Variants in LRRC4C observed in about 807,000 individuals in gnomAD.
LRRC4C encodes the protein leucine rich repeat containing 4C, also known as leucine-rich repeat-containing protein 4C.
A neutral mutation model predicts 33.6 loss-of-function variants in LRRC4C; 5 were observed. That is an observed-to-expected ratio of 0.15 (90% CI 0.08 to 0.31). The LOEUF (loss-of-function observed/expected upper bound fraction) is 0.31. LRRC4C is among the 10% of genes least tolerant of loss of function. The pLI, the probability that LRRC4C is intolerant of heterozygous loss-of-function variation, is 1.00. For missense variants in LRRC4C, 560 were observed against 796.7 expected, an observed-to-expected ratio of 0.70 and a Z score of 3.58; for synonymous variants, 329 against 302.0, an observed-to-expected ratio of 1.09 and a Z score of -0.93.
At chr11:41,280,658 C>G (rs1452036525) in intron 1 of LRRC4C, among the ~76,000 whole-genome samples, 1 of 152,110 alleles carries the variant, frequency 6.6e-6, no homozygotes, top group Non-Finnish European at 1.5e-5. Flanking sequence ...TAATCAAAGA[C>G]TAAGATAAAA....
At chr11:40,507,517 A>G (rs1292934265) in intron 3 of LRRC4C, among the ~76,000 whole-genome samples, 1 of 152,068 alleles carries the variant, frequency 6.6e-6, no homozygotes, top group African/African-American at 2.4e-5. Flanking sequence ...ATAATAACCT[A>G]TGGATGGATA....
At chr11:41,178,199 G>A (rs763029182) in intron 1 of LRRC4C, among the ~76,000 whole-genome samples, 3 of 152,126 alleles carry the variant, frequency 2.0e-5, no homozygotes, top group Non-Finnish European at 2.9e-5. Flanking sequence ...TGCCCTATGA[G>A]TGAGTTAAAC....
At chr11:41,288,798 T>G (rs2136990136) in intron 1 of LRRC4C, among the ~76,000 whole-genome samples, 1 of 152,282 alleles carries the variant, frequency 6.6e-6, no homozygotes, top group South Asian at 2.1e-4. Flanking sequence ...TGTTACATCA[T>G]TGTTGGCAGA....
chr11:41,148,088 G>A (rs965136951), intron 1 of LRRC4C, among the ~76,000 whole-genome samples: 3 of 151,736 alleles, frequency 2.0e-5, no homozygotes, highest in Middle Eastern at 3.2e-3. Flanking sequence ...ACGCCATCTC[G>A]GCTCACTGTA....
intron 5 of LRRC4C, among the ~76,000 whole-genome samples, chr11:40,240,792 G>A (rs1022096026): frequency 1.3e-4 from 20 of 151,880 alleles, no homozygotes; most frequent in Non-Finnish European, 2.4e-4. Flanking sequence ...CACAATATAG[G>A]TAATAATATT....
chr11:41,083,994 T>G lies in LRRC4C; in HGVS notation c.-495-150271A>C, dbSNP rs1939771652. Among the ~76,000 whole-genome samples the G allele has an allele frequency of 3.3e-5, 5 of 152,202 alleles. No individual in the cohort carries two copies. The South Asian group carries it at 1.0e-3, about 32-fold the overall frequency. ...ACGATGTCTCCTTTGCATAGAACTC[T>G]CAAGTATACAATACAATATCTCACA... On this transcript the variant is annotated intron_variant, in intron 1 of 6. Transcript: ENST00000528697.
intron 2 of LRRC4C, among the ~76,000 whole-genome samples, chr11:40,823,817 A>C (rs1340203920): frequency 6.6e-6 from 1 of 151,702 alleles, no homozygotes; most frequent in African/African-American, 2.4e-5. Context: ...TGACCTAGAA[A>C]CTCCACTCTT....
chr11:40,305,329 G>T (rs577334135), intron 4 of LRRC4C, among the ~76,000 whole-genome samples: 1 of 152,270 alleles, frequency 6.6e-6, no homozygotes, highest in East Asian at 1.9e-4. Context: ...GAAATGTGTT[G>T]TCCATGAGAG....
rs139702011 is a variant in LRRC4C at position 40,760,633 on chromosome 11, T to C, written c.-406-112355A>G. 5.0e-3 allele frequency among the ~76,000 whole-genome samples: 760 copies of C among 151,088 alleles called. 3 individuals are homozygous for C. The highest frequency in any genetic ancestry group is 0.018 in the African/African-American group (723 of 41,242). ...CCTTTTTTATTTTTATTTTTTGAGA[T>C]GGGGTCTCACTCTGTCACCCAGGCT... On this transcript the variant is annotated intron_variant, in intron 2 of 6. Coordinates refer to ENST00000528697, the MANE Select transcript of LRRC4C (RefSeq NM_001258419.2).
chr11:40,759,945 C>G (rs71484119), intron 2 of LRRC4C, among the ~76,000 whole-genome samples: 1 of 123,412 alleles, frequency 8.1e-6, no homozygotes, highest in African/African-American at 3.0e-5. Context: ...TTCAAACAAA[C>G]AAACAAACAA....
At chr11:40,353,313 T>C (rs2137102376) in intron 3 of LRRC4C, among the ~76,000 whole-genome samples, 1 of 152,256 alleles carries the variant, frequency 6.6e-6, no homozygotes, top group East Asian at 1.9e-4. Flanking sequence ...TTTAAATAGG[T>C]TGGCTTCAAG....
chr11:40,873,344 T>C (rs957768690), intron 2 of LRRC4C, among the ~76,000 whole-genome samples: 1 of 152,166 alleles, frequency 6.6e-6, no homozygotes, highest in East Asian at 1.9e-4. Context: ...GTTTGAGATC[T>C]GGATGTTCAG....
At chr11:40,235,582 G>T (rs1361663722) in intron 5 of LRRC4C, among the ~76,000 whole-genome samples, 5 of 152,150 alleles carry the variant, frequency 3.3e-5, no homozygotes, top group Non-Finnish European at 7.3e-5. Flanking sequence ...TAAGTGTATG[G>T]ATAAGGCATA....
chr11:40,833,717 C>T (rs1157710274), intron 2 of LRRC4C, among the ~76,000 whole-genome samples: 1 of 152,006 alleles, frequency 6.6e-6, no homozygotes. Flanking sequence ...TCTTAAGTCA[C>T]AAGGTATCTG....
chr11:41,011,643 T>C (rs898420034), intron 1 of LRRC4C, among the ~76,000 whole-genome samples: 1 of 151,816 alleles, frequency 6.6e-6, no homozygotes, highest in African/African-American at 2.4e-5. Context: ...TCAGGGCAAC[T>C]GGCCACGTAC....
intron 1 of LRRC4C, among the ~76,000 whole-genome samples, chr11:41,039,774 GA>G (rs1857314784): frequency 6.6e-6 from 1 of 152,204 alleles, no homozygotes; most frequent in East Asian, 1.9e-4. Context: ...GCTTACCACA[GA>G]AACTACTTGC....
chr11:40,752,612 C>CA lies in LRRC4C; in HGVS notation c.-406-104335dup, dbSNP rs527280715. On this transcript the variant is annotated intron_variant, in intron 2 of 6. Transcript: ENST00000528697. Reference sequence around the variant, plus strand: ...AACAAACAAAACAAAACAGCAACAACAAAAAAAAACAGATGCTTGTGAAGG... The same window carrying CA: ...AACAAACAAAACAAAACAGCAACAACAAAAAAAAAACAGATGCTTGTGAAGG... Among the ~76,000 whole-genome samples the CA allele has an allele frequency of 2.6e-3, 393 of 149,910 alleles. 1 individual carries two copies. Among genetic ancestry groups the CA allele is most frequent in the African/African-American group, 8.5e-3 (350 of 40,984 alleles).
chr11:41,111,953 A>T (rs1565394374), intron 1 of LRRC4C, among the ~76,000 whole-genome samples: 1 of 152,048 alleles, frequency 6.6e-6, no homozygotes, highest in Non-Finnish European at 1.5e-5. Context: ...AGAAAGGTCT[A>T]GCAGAAGAGG....
rs373331865 is a variant in LRRC4C at position 40,757,505 on chromosome 11, A to G, written c.-406-109227T>C. On this transcript the variant is annotated intron_variant, in intron 2 of 6. Transcript: ENST00000528697. ...AAGGAAAAGGAATTGTGCCTTATTT[A>G]TTTGTTTTTGTTTTGTTTTGTGTTT... Among the ~76,000 whole-genome samples, 35 of 149,500 alleles carry G rather than the reference A, an allele frequency of 2.3e-4. 1 individual carries two copies. In the South Asian group the frequency reaches 7.0e-3, roughly 30 times the overall value.
Sources: allele counts gnomAD v4.1 joint callset (sites outside exome capture counted in the v4.1 genomes callset), GRCh38; gene constraint gnomAD v4.1.1; transcripts MANE v1.5; gene names NCBI Gene and HGNC (gene_info 2026-07-23, HGNC 2026-07-21).